Variants in PABPC4L observed in about 807,000 individuals in gnomAD.
The protein encoded by PABPC4L is polyadenylate-binding protein 4-like.
For missense variants in PABPC4L, 452 were observed against 451.4 expected, an observed-to-expected ratio of 1.00 and a Z score of -0.01; for synonymous variants, 169 against 164.1, an observed-to-expected ratio of 1.03 and a Z score of -0.23.
At chr4:134,053,947 C>CA in the PABPC4L span, among the ~76,000 whole-genome samples, 2 of 151,434 alleles carry the variant, frequency 1.3e-5, no homozygotes, top group African/African-American at 4.8e-5. Context: ...GATATCCACA[C>CA]AAAGAACCTT....
chr4:134,085,144 G>A, the PABPC4L span, among the ~76,000 whole-genome samples: 5 of 152,130 alleles, frequency 3.3e-5, no homozygotes, highest in African/African-American at 7.2e-5. Context: ...CTTCATGTGG[G>A]ACCAGCAGTC....
At chr4:133,956,242 G>A in the PABPC4L span, among the ~76,000 whole-genome samples, 1 of 152,088 alleles carries the variant, frequency 6.6e-6, no homozygotes, top group African/African-American at 2.4e-5. Flanking sequence ...AGGGACACTA[G>A]GAATGTAATT....
the PABPC4L span, among the ~76,000 whole-genome samples, chr4:134,020,304 A>G: frequency 3.3e-5 from 5 of 152,116 alleles, no homozygotes; most frequent in African/African-American, 1.2e-4. Flanking sequence ...TATATAGGAT[A>G]AAAAGATCAT....
the PABPC4L span, among the ~76,000 whole-genome samples, chr4:134,142,966 C>G: frequency 6.6e-6 from 1 of 151,660 alleles, no homozygotes; most frequent in Non-Finnish European, 1.5e-5. Flanking sequence ...CTTGTCTAGT[C>G]TAGTCAGTGG....
the PABPC4L span, among the ~76,000 whole-genome samples, chr4:134,160,093 C>T: frequency 7.9e-5 from 12 of 152,024 alleles, no homozygotes; most frequent in Admixed American, 6.6e-4. Context: ...TGATCCAGGA[C>T]CTTGAATAAA....
chr4:133,992,740 A>G, the PABPC4L span, among the ~76,000 whole-genome samples: 1 of 152,220 alleles, frequency 6.6e-6, no homozygotes, highest in Non-Finnish European at 1.5e-5. Context: ...GCAAATTGCA[A>G]TGTACAACAG....
chr4:133,965,316 G>C, the PABPC4L span, among the ~76,000 whole-genome samples: 2 of 151,942 alleles, frequency 1.3e-5, no homozygotes, highest in South Asian at 4.1e-4. Context: ...AAAGAAATGA[G>C]AGATGACACA....
chr4:134,019,006 TAAAGGAATGTGATCACTTGGGTTGG>T, the PABPC4L span, among the ~76,000 whole-genome samples: 2 of 152,168 alleles, frequency 1.3e-5, no homozygotes, highest in Non-Finnish European at 2.9e-5. Context: ...ATTGGTGCTA[TAAAGGAATGTGATCACTTGGGTTGG>T]AAATGACTTA....
the PABPC4L span, among the ~76,000 whole-genome samples, chr4:134,110,907 T>C: frequency 6.6e-6 from 1 of 151,948 alleles, no homozygotes; most frequent in South Asian, 2.1e-4. Flanking sequence ...AATGAGGAAC[T>C]CAAGGCTATA....
the PABPC4L span, among the ~76,000 whole-genome samples, chr4:133,984,394 G>T: frequency 6.6e-6 from 1 of 151,780 alleles, no homozygotes; most frequent in Non-Finnish European, 1.5e-5. Flanking sequence ...TATAGTTAAA[G>T]GTGTTGAGTT....
At chr4:134,024,371 C>T in the PABPC4L span, among the ~76,000 whole-genome samples, 1 of 152,090 alleles carries the variant, frequency 6.6e-6, no homozygotes, top group African/African-American at 2.4e-5. Context: ...TTTAATTTCT[C>T]ACAGATCCAG....
chr4:134,091,570 A>C, the PABPC4L span, among the ~76,000 whole-genome samples: 2 of 151,958 alleles, frequency 1.3e-5, no homozygotes, highest in African/African-American at 2.4e-5. Flanking sequence ...CTATTCCTGA[A>C]TTTAATGTAA....
At chr4:134,114,474 T>C in the PABPC4L span, among the ~76,000 whole-genome samples, 2 of 151,714 alleles carry the variant, frequency 1.3e-5, no homozygotes, top group South Asian at 2.1e-4. Flanking sequence ...ATAAGGGAGA[T>C]GGTGAAACTT....
chr4:134,001,535 A>T, the PABPC4L span, among the ~76,000 whole-genome samples: 5 of 152,148 alleles, frequency 3.3e-5, no homozygotes, highest in African/African-American at 1.2e-4. Context: ...CCCAGTCTAG[A>T]AAAGTATTTA....
the PABPC4L span, among the ~76,000 whole-genome samples, chr4:134,099,783 A>T: frequency 6.6e-6 from 1 of 151,612 alleles, no homozygotes; most frequent in East Asian, 1.9e-4. Flanking sequence ...GGGGAAAAAA[A>T]GATAATGGAT....
chr4:134,021,864 A>T, the PABPC4L span, among the ~76,000 whole-genome samples: 1 of 152,038 alleles, frequency 6.6e-6, no homozygotes, highest in Non-Finnish European at 1.5e-5. Context: ...AAACTTCTAG[A>T]CACCATTTCC....
At chr4:134,057,625 G>A in the PABPC4L span, among the ~76,000 whole-genome samples, 1 of 152,062 alleles carries the variant, frequency 6.6e-6, no homozygotes, top group Non-Finnish European at 1.5e-5. Context: ...ACCCTGAAGG[G>A]AGCATTAAGG....
chr4:134,030,222 G>A, the PABPC4L span, among the ~76,000 whole-genome samples: 5 of 152,000 alleles, frequency 3.3e-5, no homozygotes, highest in Non-Finnish European at 2.9e-5. Flanking sequence ...ATGTGGGAGC[G>A]ACTTTGGAAC....
chr4:134,188,529 G>A, the PABPC4L span, among the ~76,000 whole-genome samples: 1 of 152,008 alleles, frequency 6.6e-6, no homozygotes, highest in African/African-American at 2.4e-5. Context: ...GTTTGAGGAA[G>A]TTTTCATTTC....
Sources: allele counts gnomAD v4.1 joint callset (sites outside exome capture counted in the v4.1 genomes callset), GRCh38; gene constraint gnomAD v4.1.1; transcripts MANE v1.5; gene names NCBI Gene and HGNC (gene_info 2026-07-23, HGNC 2026-07-21).